The following FANCD2OS variants were observed in gnomAD, a reference collection of about 807,000 sequenced individuals.
The protein encoded by FANCD2OS is FANCD2 opposite strand.
FANCD2OS carries 11 observed loss-of-function variants against 13.2 expected under a neutral mutation model. The observed-to-expected ratio is 0.83, with a 90% CI of 0.52 to 1.38. FANCD2OS has a LOEUF of 1.38. Among genes scored for constraint, FANCD2OS ranks in the 40% most tolerant of loss-of-function variants. FANCD2OS has a pLI of 0.00. For missense variants in FANCD2OS, 217 were observed against 213.9 expected, an observed-to-expected ratio of 1.01 and a Z score of -0.09; for synonymous variants, 69 against 84.5, an observed-to-expected ratio of 0.82 and a Z score of 1.01.
exon 3 of FANCD2OS, chr3:10,081,432 G>T: frequency 6.2e-7 from 1 of 1,613,980 alleles, no homozygotes; most frequent in African/African-American, 1.3e-5. Context: ...GCTATCAGAG[G>T]CTGCTGCAGA....
At chr3:10,095,299 A>G (rs1226239866) in intron 2 of FANCD2OS, 1 of 1,597,918 alleles carries the variant, frequency 6.3e-7, no homozygotes, top group African/African-American at 1.3e-5. Context: ...AGGTTCTATC[A>G]GCAGCCTGCC....
intron 1 of FANCD2OS, among the ~76,000 whole-genome samples, chr3:10,107,707 G>C (rs897262746): frequency 1.3e-5 from 2 of 152,022 alleles, no homozygotes; most frequent in African/African-American, 4.8e-5. Context: ...CAGCACTTTG[G>C]GAGGCCAAGG....
At chr3:10,087,100 A>G (rs1328215103) in intron 2 of FANCD2OS, 17 of 1,612,072 alleles carry the variant, frequency 1.1e-5, no homozygotes, top group Non-Finnish European at 1.2e-5. Context: ...ATAGGATACT[A>G]TTGCATTTGT....
chr3:10,105,763 AAAAAAAAATTAT>A (rs1689996355), intron 1 of FANCD2OS, among the ~76,000 whole-genome samples: 2 of 71,640 alleles, frequency 2.8e-5, no homozygotes, highest in Non-Finnish European at 4.6e-5. Flanking sequence ...AAAAAAAAAA[AAAAAAAAATTAT>A]ATATATATAT....
At chr3:10,083,982 C>A (rs1475553209) in intron 2 of FANCD2OS, among the ~76,000 whole-genome samples, 1 of 149,534 alleles carries the variant, frequency 6.7e-6, no homozygotes, top group Non-Finnish European at 1.5e-5. Context: ...ATATTCTAAA[C>A]TTGTTTCCCA....
rs540419593 is a variant in FANCD2OS, at chr3:10,094,116, G to C, written c.*43+10082C>G. ...TGGGGCTTAGTTAACAGGCCTATTT[G>C]ATTTTTGTATTAAGTTACATTCTCC... On this transcript the variant is annotated intron_variant, in intron 2 of 2. Coordinates refer to the FANCD2OS transcript ENST00000524279. Among the ~76,000 whole-genome samples the C allele has an allele frequency of 3.9e-5, 6 of 152,252 alleles. No homozygotes were observed. The South Asian group carries it at 1.2e-3, about 32-fold the overall frequency.
downstream of FANCD2OS, among the ~76,000 whole-genome samples, chr3:10,098,477 T>TA (rs1695110010): frequency 6.6e-6 from 1 of 151,962 alleles, no homozygotes. Flanking sequence ...TGTAGTGTGA[T>TA]ACTAGCATAC....
Position 10,096,502 on chromosome 3 carries a change from C to T in FANCD2OS, c.*43+7696G>A. The T allele has an allele frequency of 1.9e-6, 3 of 1,609,874 alleles. No individual in the cohort carries two copies. In the South Asian group the frequency reaches 3.3e-5, roughly 18 times the overall value. ...GCCTTGGATCCTGCTAGTGATAATC[C>T]CCTACTCTTATTCTTTGTGACAGCA... On this transcript the variant is annotated intron_variant, in intron 2 of 2. Coordinates refer to the FANCD2OS transcript ENST00000524279.
At chr3:10,105,813 TATATATA>T (rs1695481986) in intron 1 of FANCD2OS, among the ~76,000 whole-genome samples, 7 of 81,286 alleles carry the variant, frequency 8.6e-5, no homozygotes, top group Non-Finnish European at 1.7e-4. Context: ...TATATATATA[TATATATA>T]TTTTGAGGTT....
chr3:10,099,023 T>C, downstream of FANCD2OS: 3 of 1,611,688 alleles, frequency 1.9e-6, no homozygotes, highest in South Asian at 1.1e-5. Context: ...CTCCTGAGTA[T>C]CTCGAGTTGT....
intron 2 of FANCD2OS, among the ~76,000 whole-genome samples, chr3:10,085,394 C>CT (rs1242296810): frequency 0.015 from 2,030 of 136,792 alleles, 39 homozygotes; most frequent in African/African-American, 0.038. Context: ...TTTTTTCTTT[C>CT]TTTTTTTTTT....
chr3:10,083,494 A>G (rs1693972823), intron 2 of FANCD2OS: 1 of 152,142 alleles, frequency 6.6e-6, no homozygotes, highest in African/African-American at 2.4e-5. Context: ...TGGTACATCC[A>G]TATTGGGAAA....
chr3:10,094,105 C>T (rs901231360), intron 2 of FANCD2OS, among the ~76,000 whole-genome samples: 1 of 152,212 alleles, frequency 6.6e-6, no homozygotes, highest in Admixed American at 6.5e-5. Flanking sequence ...GCTTAGTTAA[C>T]AGGCCTATTT....
Position 10,081,331 on chromosome 3 carries a change from C to G in FANCD2OS, c.*244G>C. ...ATTACTGAAGCAACTGTCCTAAAATCATTTTTATTTTTAGTGTTTAGCTGC... is the reference window on the plus strand; with the variant it reads ...ATTACTGAAGCAACTGTCCTAAAATGATTTTTATTTTTAGTGTTTAGCTGC... On this transcript the variant is annotated 3_prime_UTR_variant, in exon 3 of 3. Transcript: ENST00000524279. 3 of 1,612,178 alleles carry G rather than the reference C, an allele frequency of 1.9e-6. No individual in the cohort carries two copies. Among genetic ancestry groups the G allele is most frequent in the Non-Finnish European group, 1.7e-6 (2 of 1,178,274 alleles).
rs587778333 is a variant in FANCD2OS at position 10,092,211 on chromosome 3, A to G, written c.*44-10680T>C. ...TGAAGAGAAACTCCTCTACTGGAAC[A>G]TGGCTGTTCGAGACTTCAGTATCCT... On this transcript the variant is annotated intron_variant, in intron 2 of 2. Transcript: ENST00000524279. 20 of 1,613,984 alleles carry G rather than the reference A, an allele frequency of 1.2e-5. No individual in the cohort carries two copies. The highest frequency in any genetic ancestry group is 1.7e-5 in the Admixed American group (1 of 59,998).
At chr3:10,086,641 C>T (rs558363562) in intron 2 of FANCD2OS, among the ~76,000 whole-genome samples, 53 of 152,152 alleles carry the variant, frequency 3.5e-4, no homozygotes, top group Admixed American at 2.5e-3. Flanking sequence ...GCTGACACAC[C>T]CTACTAATTT....
chr3:10,088,577 G>A lies in FANCD2OS; in HGVS notation c.*44-7046C>T, dbSNP rs774237163. On this transcript the variant is annotated intron_variant, in intron 2 of 2. Coordinates refer to the FANCD2OS transcript ENST00000524279. ...TTGGTTTCTTCCAATGAGCCAAATA[G>A]CTTTTTTCTATTTTGCTACTGTTGT... is the stretch of plus-strand genomic sequence containing the variant. 4 of 1,424,344 alleles carry A rather than the reference G, an allele frequency of 2.8e-6. No homozygotes were observed. The South Asian group carries it at 3.4e-5, about 12-fold the overall frequency. The allele number at this position is 1,424,344 out of a possible 1,614,324, so 88.2% of individuals were successfully genotyped here.
At chr3:10,097,106 G>C (rs1466507233) in intron 2 of FANCD2OS, among the ~76,000 whole-genome samples, 1 of 152,188 alleles carries the variant, frequency 6.6e-6, no homozygotes, top group African/African-American at 2.4e-5. Flanking sequence ...TGTGCGAATA[G>C]GTGTGGGTGA....
At chr3:10,090,993 G>C (rs1456373278) in intron 2 of FANCD2OS, among the ~76,000 whole-genome samples, 1 of 151,946 alleles carries the variant, frequency 6.6e-6, no homozygotes, top group Non-Finnish European at 1.5e-5. Flanking sequence ...TGTGGATCTT[G>C]GCAGCCTGCT....
Sources: allele counts gnomAD v4.1 joint callset (sites outside exome capture counted in the v4.1 genomes callset), GRCh38; gene constraint gnomAD v4.1.1; transcripts MANE v1.5; gene names NCBI Gene and HGNC (gene_info 2026-07-23, HGNC 2026-07-21).